DDAH1: variants seen among roughly 807,000 people sequenced by gnomAD.
DDAH1 encodes the protein N(G),N(G)-dimethylarginine dimethylaminohydrolase 1.
DDAH1 carries 19 observed loss-of-function variants against 28.8 expected under a neutral mutation model. The ratio of observed to expected loss-of-function variants is 0.66; its 90% CI spans 0.46 to 0.97. The LOEUF is 0.97. Among genes scored for constraint, DDAH1 ranks in the 50% least tolerant of loss-of-function variants. The pLI, the probability that DDAH1 is intolerant of heterozygous loss-of-function variation, is 0.00. For missense variants in DDAH1, 326 were observed against 375.9 expected, an observed-to-expected ratio of 0.87 and a Z score of 1.10; for synonymous variants, 153 against 154.4, an observed-to-expected ratio of 0.99 and a Z score of 0.07.
chr1:85,490,135 A>G (rs2100727096), intron 2 of DDAH1, among the ~76,000 whole-genome samples: 1 of 152,312 alleles, frequency 6.6e-6, no homozygotes, highest in South Asian at 2.1e-4. Context: ...TAGACTAGGG[A>G]AGAATTTAGT....
rs578129701 is a variant in DDAH1 at position 85,319,814 on chromosome 1, A to C, written c.*1638T>G. On this transcript the variant is annotated 3_prime_UTR_variant, in exon 6 of 6. Transcript: ENST00000284031. ...GCAAATTTCTGACATAAAATAATCA[A>C]ATAAAAGGGAAAGATAGTGGTTAAG... 5.9e-5 allele frequency: 9 copies of C among 151,704 alleles called. No homozygotes were observed. Among genetic ancestry groups the C allele is most frequent in the African/African-American group, 2.2e-4 (9 of 41,110 alleles). The allele number at this position is 151,704 out of a possible 1,614,324, so 9.4% of individuals were successfully genotyped here.
intron 1 of DDAH1, among the ~76,000 whole-genome samples, chr1:85,569,916 C>CTATA (rs1466702351): frequency 6.6e-6 from 1 of 152,200 alleles, no homozygotes; most frequent in Non-Finnish European, 1.5e-5. Flanking sequence ...TTATCACTCG[C>CTATA]TATACCCCAT....
intron 2 of DDAH1, among the ~76,000 whole-genome samples, chr1:85,480,463 A>T (rs2100715567): frequency 6.6e-6 from 1 of 152,318 alleles, no homozygotes; most frequent in East Asian, 1.9e-4. Flanking sequence ...AATCAGGAAC[A>T]GGCAGGTGCG....
chr1:85,381,041 A>G (rs1443020019), intron 1 of DDAH1, among the ~76,000 whole-genome samples: 2 of 150,966 alleles, frequency 1.3e-5, no homozygotes. Flanking sequence ...GTTCAGGACC[A>G]GCCTGGCCAA....
rs189516009 is a variant in DDAH1, at chr1:85,572,546, C to A, written c.-123+5438G>T. 2.2e-3 allele frequency among the ~76,000 whole-genome samples: 342 copies of A among 152,312 alleles called. 1 individual carries two copies. The highest frequency in any genetic ancestry group is 7.8e-3 in the African/African-American group (323 of 41,566). On this transcript the variant is annotated intron_variant, in intron 1 of 6. Coordinates refer to the DDAH1 transcript ENST00000426972. ...TAATGGAAATAAAATATTCATCCTACAGAGTTGTTTATAAAGATCTGATGA... is the reference window on the plus strand; with the variant it reads ...TAATGGAAATAAAATATTCATCCTAAAGAGTTGTTTATAAAGATCTGATGA...
intron 1 of DDAH1, among the ~76,000 whole-genome samples, chr1:85,408,599 G>T (rs1652514960): frequency 6.6e-6 from 1 of 152,126 alleles, no homozygotes; most frequent in African/African-American, 2.4e-5. Flanking sequence ...GTATGTCACA[G>T]TGTTAGCTTA....
At chr1:85,556,594 GGT>G (rs147084860) in intron 1 of DDAH1, among the ~76,000 whole-genome samples, 4 of 151,524 alleles carry the variant, frequency 2.6e-5, no homozygotes, top group African/African-American at 4.8e-5. Context: ...CACAGCTAAA[GGT>G]GTGTGTGTGT....
chr1:85,454,128 C>T (rs573815669), intron 1 of DDAH1, among the ~76,000 whole-genome samples: 3 of 152,276 alleles, frequency 2.0e-5, no homozygotes, highest in African/African-American at 7.2e-5. Flanking sequence ...TTCCCCTCCC[C>T]GCCTCTGAAA....
intron 1 of DDAH1, among the ~76,000 whole-genome samples, chr1:85,364,142 C>T (rs1367788434): frequency 3.3e-5 from 5 of 151,930 alleles, no homozygotes; most frequent in South Asian, 4.2e-4. Context: ...ACTGACTTGC[C>T]GAGTCAAGCC....
chr1:85,334,576 T>C (rs190447975), intron 4 of DDAH1, among the ~76,000 whole-genome samples: 4 of 152,268 alleles, frequency 2.6e-5, no homozygotes, highest in Admixed American at 2.6e-4. Context: ...TCTGATGGTT[T>C]AAAAGTGTGT....
At position 85,488,925 on chromosome 1, in the gene DDAH1, G is replaced by C. The variant is rs184234596; in HGVS notation, c.-7+7241C>G. Reference sequence around the variant, plus strand: ...AATTTCAGCATTCTGAATCAAATACGGTTGAATTTTCTAATATGAAGATGG... The same window carrying C: ...AATTTCAGCATTCTGAATCAAATACCGTTGAATTTTCTAATATGAAGATGG... On this transcript the variant is annotated intron_variant, in intron 2 of 6. Transcript: ENST00000426972. 2.0e-5 allele frequency among the ~76,000 whole-genome samples: 3 copies of C among 152,158 alleles called. No individual in the cohort carries two copies. The East Asian group carries it at 5.8e-4, about 29-fold the overall frequency.
chr1:85,434,067 T>C (rs932063797), intron 1 of DDAH1, among the ~76,000 whole-genome samples: 1 of 152,208 alleles, frequency 6.6e-6, no homozygotes, highest in African/African-American at 2.4e-5. Flanking sequence ...AAGTGATTGA[T>C]TTTTCCTATT....
At chr1:85,490,178 A>G (rs1350303653) in intron 2 of DDAH1, among the ~76,000 whole-genome samples, 2 of 152,184 alleles carry the variant, frequency 1.3e-5, no homozygotes, top group African/African-American at 2.4e-5. Flanking sequence ...TCTAATTTTG[A>G]GACAGAAAAG....
chr1:85,394,129 G>A (rs1308833308), intron 1 of DDAH1, among the ~76,000 whole-genome samples: 3 of 152,140 alleles, frequency 2.0e-5, no homozygotes, highest in Non-Finnish European at 4.4e-5. Context: ...ACCAAAATTC[G>A]TGTTGAAATT....
At chr1:85,437,099 C>G (rs2100646081) in intron 1 of DDAH1, among the ~76,000 whole-genome samples, 1 of 152,258 alleles carries the variant, frequency 6.6e-6, no homozygotes, top group South Asian at 2.1e-4. Flanking sequence ...ATGCAGCTTC[C>G]ACCTGGTTCT....
chr1:85,543,517 T>C (rs962389779), intron 1 of DDAH1, among the ~76,000 whole-genome samples: 2 of 152,152 alleles, frequency 1.3e-5, no homozygotes, highest in African/African-American at 4.8e-5. Context: ...CACAGCAGCA[T>C]GCAATTTTGA....
chr1:85,454,042 C>T (rs1475809302), intron 1 of DDAH1, among the ~76,000 whole-genome samples: 1 of 147,836 alleles, frequency 6.8e-6, no homozygotes, highest in African/African-American at 2.5e-5. Context: ...GGTCTCAGCC[C>T]CCACCTGGAT....
intron 1 of DDAH1, among the ~76,000 whole-genome samples, chr1:85,458,065 A>C (rs951714831): frequency 6.6e-6 from 1 of 152,208 alleles, no homozygotes; most frequent in African/African-American, 2.4e-5. Context: ...ATGTATCTTC[A>C]CTGGAATGAT....
At chr1:85,417,344 G>A (rs1652931534) in intron 1 of DDAH1, among the ~76,000 whole-genome samples, 1 of 152,148 alleles carries the variant, frequency 6.6e-6, no homozygotes, top group African/African-American at 2.4e-5. Flanking sequence ...CTGGCTGTGT[G>A]CAAGAGCCCC....
Sources: gnomAD v4.1 joint callset for allele counts (sites outside exome capture counted in the v4.1 genomes callset) on GRCh38, gnomAD v4.1.1 for gene constraint, MANE v1.5 for transcripts, NCBI Gene and HGNC (gene_info 2026-07-23, HGNC 2026-07-21) for gene names.